RGS7: variants seen among roughly 807,000 people sequenced by gnomAD.
The protein encoded by RGS7 is regulator of G-protein signaling 7.
RGS7 carries 27 observed loss-of-function variants against 81.1 expected under a neutral mutation model. The observed-to-expected ratio is 0.33, with a 90% confidence interval of 0.25 to 0.46. The LOEUF (loss-of-function observed/expected upper bound fraction) is 0.46. Ranked by LOEUF, RGS7 falls within the 20% of genes least tolerant of loss-of-function variation. The pLI, the probability that RGS7 is intolerant of heterozygous loss-of-function variation, is 1.00. For missense variants in RGS7, 396 were observed against 607.4 expected (o/e 0.65, Z 3.66); for synonymous variants, 208 against 207.7 (o/e 1.00, Z -0.01).
At chr1:241,354,506 G>A (rs1408458583) in intron 2 of RGS7, among the ~76,000 whole-genome samples, 1 of 152,148 alleles carries the variant, frequency 6.6e-6, no homozygotes, top group East Asian at 1.9e-4. Flanking sequence ...AGCTAGCATT[G>A]TACCAGGACG....
intron 2 of RGS7, among the ~76,000 whole-genome samples, chr1:241,114,674 T>C (rs1189795717): frequency 6.6e-6 from 1 of 152,218 alleles, no homozygotes; most frequent in Non-Finnish European, 1.5e-5. Flanking sequence ...AGAAATAGAT[T>C]ATTCCTGTGT....
At chr1:240,835,832 G>C (rs777048243) in intron 9 of RGS7, among the ~76,000 whole-genome samples, 2 of 152,144 alleles carry the variant, frequency 1.3e-5, no homozygotes, top group Non-Finnish European at 2.9e-5. Context: ...AAGCCAATCT[G>C]AAAAAGCCAC....
chr1:241,210,930 T>G (rs2074207656), intron 2 of RGS7, among the ~76,000 whole-genome samples: 1 of 152,192 alleles, frequency 6.6e-6, no homozygotes, highest in Non-Finnish European at 1.5e-5. Context: ...TCAATTGTGG[T>G]AACCAAACTA....
intron 2 of RGS7, among the ~76,000 whole-genome samples, chr1:241,212,759 TGAATGA>T (rs1448030833): frequency 6.6e-6 from 1 of 152,192 alleles, no homozygotes; most frequent in Admixed American, 6.5e-5. Flanking sequence ...TTCTGTCTAA[TGAATGA>T]ATGGCCTGCC....
intron 2 of RGS7, among the ~76,000 whole-genome samples, chr1:241,283,553 A>AT (rs139811039): frequency 0.03 from 4,572 of 152,010 alleles, 205 homozygotes; most frequent in African/African-American, 0.1. Flanking sequence ...AATTTTTAAG[A>AT]TTTTTTCTTT....
At chr1:241,249,359 T>C (rs1404906726) in intron 2 of RGS7, among the ~76,000 whole-genome samples, 1 of 152,066 alleles carries the variant, frequency 6.6e-6, no homozygotes, top group East Asian at 1.9e-4. Flanking sequence ...CCCCATTGAA[T>C]TGTCCTAGCA....
intron 9 of RGS7, among the ~76,000 whole-genome samples, chr1:240,840,673 T>C (rs1425709653): frequency 6.6e-6 from 1 of 152,260 alleles, no homozygotes; most frequent in African/African-American, 2.4e-5. Context: ...ACCTTGCTTT[T>C]ATTTTTATCA....
At chr1:240,802,217 C>G (rs777360538) in intron 16 of RGS7, among the ~76,000 whole-genome samples, 5 of 152,080 alleles carry the variant, frequency 3.3e-5, no homozygotes, top group Non-Finnish European at 5.9e-5. Flanking sequence ...ACTATTTTAA[C>G]ATTAAAAAGA....
At chr1:240,962,539 T>A (rs1165033822) in intron 4 of RGS7, among the ~76,000 whole-genome samples, 1 of 152,172 alleles carries the variant, frequency 6.6e-6, no homozygotes, top group Non-Finnish European at 1.5e-5. Context: ...CAGCTCTGTC[T>A]ATAGGAAGTC....
rs536214955 is a variant in RGS7, at chr1:240,846,834, G to A, written c.610-19662C>T. Among the ~76,000 whole-genome samples, 3 of 152,218 alleles carry A rather than the reference G, an allele frequency of 2.0e-5. No homozygotes were observed. The East Asian group carries it at 5.8e-4, about 30-fold the overall frequency. ...CGGAAACTGTCTTGGACATCCTTATGGAGAGGTGCATGTGGCCAGGAACTG... is the reference window on the plus strand; with the variant it reads ...CGGAAACTGTCTTGGACATCCTTATAGAGAGGTGCATGTGGCCAGGAACTG... On this transcript the variant is annotated intron_variant, in intron 9 of 18. Transcript: ENST00000440928.
At chr1:240,925,738 C>T (rs1463818478) in intron 6 of RGS7, among the ~76,000 whole-genome samples, 1 of 152,188 alleles carries the variant, frequency 6.6e-6, no homozygotes. Flanking sequence ...TTTACATTCC[C>T]ACCAACAGAG....
intron 3 of RGS7, among the ~76,000 whole-genome samples, chr1:241,097,733 C>T (rs975640387): frequency 6.6e-6 from 1 of 152,074 alleles, no homozygotes; most frequent in African/African-American, 2.4e-5. Flanking sequence ...TTTCACTGCC[C>T]CCTGGAGTCA....
intron 2 of RGS7, among the ~76,000 whole-genome samples, chr1:241,105,871 A>T (rs1240873205): frequency 6.6e-6 from 1 of 152,234 alleles, no homozygotes; most frequent in South Asian, 2.1e-4. Flanking sequence ...GCATTTGGAG[A>T]TATAAATGGG....
intron 3 of RGS7, among the ~76,000 whole-genome samples, chr1:241,015,482 C>T (rs980896776): frequency 2.0e-5 from 3 of 152,118 alleles, no homozygotes; most frequent in African/African-American, 4.8e-5. Flanking sequence ...AAACCTTTAA[C>T]CTATTGACCA....
chr1:241,142,049 T>TA (rs1304427192), intron 2 of RGS7, among the ~76,000 whole-genome samples: 42 of 152,346 alleles, frequency 2.8e-4, no homozygotes, highest in African/African-American at 9.6e-4. Flanking sequence ...AGTCAAATCT[T>TA]AAAGCTCCAA....
intron 18 of RGS7, among the ~76,000 whole-genome samples, chr1:240,784,120 G>C (rs1684621661): frequency 2.0e-5 from 3 of 151,858 alleles, no homozygotes; most frequent in Admixed American, 2.0e-4. Flanking sequence ...CCGGGAGGTG[G>C]AGGTTGCAGT....
At chr1:241,187,692 T>C (rs10802931) in intron 2 of RGS7, among the ~76,000 whole-genome samples, 48,781 of 152,048 alleles carry the variant, frequency 0.32, 8,368 homozygotes, top group East Asian at 0.41. Flanking sequence ...AATGGCTTTA[T>C]AAAGAAATTA....
At chr1:241,201,673 T>G (rs2073511163) in intron 2 of RGS7, among the ~76,000 whole-genome samples, 1 of 152,306 alleles carries the variant, frequency 6.6e-6, no homozygotes, top group East Asian at 1.9e-4. Flanking sequence ...GTCTACTTTG[T>G]GTCAAGCATT....
intron 3 of RGS7, among the ~76,000 whole-genome samples, chr1:241,037,651 G>A (rs977350410): frequency 4.0e-5 from 6 of 151,646 alleles, no homozygotes; most frequent in East Asian, 3.9e-4. Context: ...AGCCCAGGAC[G>A]TGGAGGTTGC....
Sources: gnomAD v4.1 joint callset for allele counts (sites outside exome capture counted in the v4.1 genomes callset) on GRCh38, gnomAD v4.1.1 for gene constraint, MANE v1.5 for transcripts, NCBI Gene and HGNC (gene_info 2026-07-23, HGNC 2026-07-21) for gene names.